PARP2: variants seen among roughly 807,000 people sequenced by gnomAD.
PARP2 encodes the protein poly [ADP-ribose] polymerase 2.
PARP2 carries 57 observed loss-of-function variants against 77.8 expected under a neutral mutation model. The ratio of observed to expected loss-of-function variants is 0.73; its 90% CI spans 0.59 to 0.91. PARP2 has a LOEUF of 0.91. Ranked by LOEUF, PARP2 falls within the 40% of genes least tolerant of loss-of-function variation. The pLI is 0.00. For missense variants in PARP2, 651 were observed against 689.0 expected (o/e 0.94, Z 0.62); for synonymous variants, 226 against 242.6 (o/e 0.93, Z 0.64).
intron 13 of PARP2, 83 bp from the exon 14 acceptor site, chr14:20,356,968 G>GA (rs1324246119): frequency 1.1e-6 from 1 of 890,798 alleles, no homozygotes. Flanking sequence ...TTAAGGGAAT[G>GA]GAAAAACAGG....
At chr14:20,354,057 CTTGTG>C in intron 7 of PARP2, 23 bp from the exon 8 acceptor site, 1 of 1,573,134 alleles carries the variant, frequency 6.4e-7, no homozygotes, top group South Asian at 1.1e-5. Context: ...CTTAGATTGT[CTTGTG>C]TTTTGTTTGT....
intron 13 of PARP2, 75 bp downstream of exon 13, chr14:20,356,764 A>T: frequency 8.5e-7 from 1 of 1,169,954 alleles, no homozygotes. Flanking sequence ...TTTTTCCTAG[A>T]TTAGGATTAG....
chr14:20,352,549 A>ATTTTTTTT (rs34709835), intron 7 of PARP2: 2 of 214,142 alleles, frequency 9.3e-6, no homozygotes, highest in African/African-American at 7.5e-5. Flanking sequence ...TGCCCAGCTG[A>ATTTTTTTT]TTTTTTTTCT....
At chr14:20,355,567 A>G (rs1224352420) in intron 9 of PARP2, 185 bp from the exon 10 acceptor site, 3 of 460,414 alleles carry the variant, frequency 6.5e-6, no homozygotes, top group Non-Finnish European at 1.1e-5. Context: ...TACCGAGTAT[A>G]TATTTAATAT....
rs1381122398 is a variant in PARP2 at position 20,344,962 on chromosome 14, G to A, written c.77G>A (p.Gly26Asp). Reference protein sequence around the residue: ...ALNESKRVNNGNTAPEDSSPA... With the variant: ...ALNESKRVNNDNTAPEDSSPA... Reference sequence around the variant, plus strand: ...AATGAAAGCAAAAGAGTTAATAATGGCAACACGGCTCCAGAAGACTCTTCC... The same window carrying A: ...AATGAAAGCAAAAGAGTTAATAATGACAACACGGCTCCAGAAGACTCTTCC... Residue 26 changes from glycine (G) to aspartate (D), a missense_variant, in exon 2 of 16, where the codon GGC becomes GAC. Coordinates refer to ENST00000429687, the MANE Select transcript of PARP2 (RefSeq NM_001042618.2). The A allele has an allele frequency of 1.2e-6, 2 of 1,613,828 alleles. No homozygotes were observed. Among genetic ancestry groups the A allele is most frequent in the Non-Finnish European group, 1.7e-6 (2 of 1,179,954 alleles).
In PARP2 at chr14:20,354,171, A is replaced by T; in HGVS notation, c.687A>T (p.Ile229=). 6.2e-7 allele frequency: 1 copy of T among 1,613,106 alleles called. No homozygotes were observed. The highest frequency in any genetic ancestry group is 2.2e-5 in the East Asian group (1 of 44,864). ...SQLDLRVQEL[I]KLICNVQAME... is the part of the protein sequence containing the mutation. ...TAGATCTTCGGGTACAGGAGTTAAT[A>T]AAGTTGATCTGTAATGTTCAGGCCA... The change falls in exon 8 of 16, where the codon ATA becomes ATT. Residue 229 remains isoleucine, a synonymous_variant. Transcript: ENST00000429687.
At chr14:20,350,729 T>C in intron 5 of PARP2, 107 bp downstream of exon 5, 1 of 722,620 alleles carries the variant, frequency 1.4e-6, no homozygotes, top group Admixed American at 2.2e-5. Context: ...GTAGAGGCTC[T>C]GAAGTCTGGG....
intron 9 of PARP2, 124 bp from the exon 10 acceptor site, chr14:20,355,628 C>T (rs1884116011): frequency 1.5e-6 from 1 of 658,202 alleles, no homozygotes; most frequent in Non-Finnish European, 2.7e-6. Flanking sequence ...CTTTCTCTCT[C>T]AAATGGAAAA....
chr14:20,355,749 T>TA lies in PARP2; in HGVS notation c.903-2dup, dbSNP rs1457420702. The TA allele has an allele frequency of 2.5e-6, 4 of 1,612,648 alleles. No individual in the cohort carries two copies. Among genetic ancestry groups the TA allele is most frequent in the Non-Finnish European group, 2.5e-6 (3 of 1,178,630 alleles). On this transcript the variant is annotated splice_polypyrimidine_tract_variant and splice_region_variant and intron_variant, in intron 9 of 15. Transcript: ENST00000429687. ...TCATTATGGGTTATATCTCTGTTCT[T>TA]AGACTCCGTACTCCTCCACTAATCC... is the stretch of plus-strand genomic sequence containing the variant.
intron 14 of PARP2, 120 bp from the exon 15 acceptor site, chr14:20,357,276 A>G: frequency 7.5e-7 from 1 of 1,336,308 alleles, no homozygotes; most frequent in Non-Finnish European, 1.1e-6. Context: ...TACAATTTCT[A>G]GTACATTGGA....
intron 4 of PARP2, among the ~76,000 whole-genome samples, chr14:20,347,663 A>G (rs1883818522): frequency 6.6e-6 from 1 of 150,660 alleles, no homozygotes; most frequent in Non-Finnish European, 1.5e-5. Flanking sequence ...CACCCACCTC[A>G]CCCTCCCAAA....
Position 20,355,997 on chromosome 14 carries a change from T to G in PARP2, c.1067T>G (p.Leu356Trp). ...DQHYRNLHCALRPLDHESYEF... is the reference protein window; with the variant it reads ...DQHYRNLHCAWRPLDHESYEF... Reference sequence around the variant, plus strand: ...CACTATAGAAACCTACATTGTGCCTTGCGCCCCCTTGACCATGAAAGTTAT... The same window carrying G: ...CACTATAGAAACCTACATTGTGCCTGGCGCCCCCTTGACCATGAAAGTTAT... Residue 356 changes from leucine to tryptophan, a missense_variant, in exon 11 of 16, where the codon TTG becomes TGG. By Grantham distance (61) the Leu-to-Trp change is moderately conservative (BLOSUM62 -2). Transcript: ENST00000429687. 6.2e-7 allele frequency: 1 copy of G among 1,614,076 alleles called. No homozygotes were observed. The highest frequency in any genetic ancestry group is 2.2e-5 in the East Asian group (1 of 44,888).
In PARP2 at chr14:20,357,123, A is replaced by C. The variant is rs74485011; in HGVS notation, c.1402A>C (p.Asn468His). The C allele has an allele frequency of 4.9e-4, 792 of 1,610,124 alleles. 18 individuals carry two copies. In the East Asian group the frequency reaches 0.018, roughly 36 times the overall value. Residue 468 changes from asparagine to histidine, a missense_variant, in exon 14 of 16, where the codon AAT (asparagine) becomes CAT (histidine). Coordinates refer to ENST00000429687, the MANE Select transcript of PARP2 (RefSeq NM_001042618.2). ...TTACTGCTTTGCCTCTCGCCTAAAG[A>C]ATACAGGACTGCTGCTCTTATCAGA... ...ANYCFASRLKNTGLLLLSEVA... is the reference protein window; with the variant it reads ...ANYCFASRLKHTGLLLLSEVA...
chr14:20,352,571 A>G (rs1470901868), intron 7 of PARP2: 1 of 176,092 alleles, frequency 5.7e-6, no homozygotes, highest in African/African-American at 1.2e-4. Context: ...TTTTTTTTGT[A>G]AAGATGAGGT....
chr14:20,354,208 A>G lies in PARP2; in HGVS notation c.724A>G (p.Met242Val). The change falls in exon 8 of 16, where the codon ATG (methionine) becomes GTG (valine). Residue 242 changes from methionine to valine, a missense_variant. Physicochemically the swap from Met to Val is conservative, Grantham distance 21. Coordinates refer to ENST00000429687, the MANE Select transcript of PARP2 (RefSeq NM_001042618.2). Reference protein sequence around the residue: ...ICNVQAMEEMMMEMKYNTKKA... With the variant: ...ICNVQAMEEMVMEMKYNTKKA... Reference sequence around the variant, plus strand: ...TAATGTTCAGGCCATGGAAGAAATGATGATGGAAATGAAGTATAATACCAA... The same window carrying G: ...TAATGTTCAGGCCATGGAAGAAATGGTGATGGAAATGAAGTATAATACCAA... 6.2e-7 allele frequency: 1 copy of G among 1,613,914 alleles called. No homozygotes were observed. Among genetic ancestry groups the G allele is most frequent in the Non-Finnish European group, 8.5e-7 (1 of 1,179,798 alleles).
chr14:20,352,368 C>G, intron 7 of PARP2, 21 bp downstream of exon 7: 1 of 1,373,188 alleles, frequency 7.3e-7, no homozygotes, highest in South Asian at 1.2e-5. Flanking sequence ...CTATACTTTT[C>G]GAAAGAAACA....
Position 20,354,877 on chromosome 14 carries a change from G to C in PARP2, c.832G>C (p.Ala278Pro). The change falls in exon 9 of 16, where the codon GCT becomes CCT. Residue 278 changes from alanine (A) to proline (P), a missense_variant. Physicochemically the swap from Ala to Pro is conservative, Grantham distance 27 (BLOSUM62 -1). Coordinates refer to ENST00000429687, the MANE Select transcript of PARP2 (RefSeq NM_001042618.2). ...TAAGAAGATTGAGGATTGTATTCGG[G>C]CTGGCCAGCATGGACGAGCTCTCAT... ...SLKKIEDCIR[A>P]GQHGRALMEA... 6.2e-7 allele frequency: 1 copy of C among 1,613,998 alleles called. No individual in the cohort carries two copies. Among genetic ancestry groups the C allele is most frequent in the Non-Finnish European group, 8.5e-7 (1 of 1,179,956 alleles).
At chr14:20,346,766 A>C in intron 3 of PARP2, 97 bp from the exon 4 acceptor site, 2 of 783,080 alleles carry the variant, frequency 2.6e-6, no homozygotes, top group South Asian at 2.8e-5. Context: ...GTTGCTGTAG[A>C]ATGATGACTT....
chr14:20,349,157 G>C (rs571207558), intron 4 of PARP2, among the ~76,000 whole-genome samples: 1 of 152,046 alleles, frequency 6.6e-6, no homozygotes, highest in East Asian at 1.9e-4. Flanking sequence ...GGGCAACATG[G>C]TGAAACCTTG....
Sources: gnomAD v4.1 joint callset for allele counts (sites outside exome capture counted in the v4.1 genomes callset) on GRCh38, gnomAD v4.1.1 for gene constraint, MANE v1.5 for transcripts, NCBI Gene and HGNC (gene_info 2026-07-23, HGNC 2026-07-21) for gene names.